Variants in LGSN observed in about 807,000 individuals in gnomAD.
LGSN encodes lengsin.
In LGSN, 21 loss-of-function variants were observed where a neutral mutation model predicts 19.5. The ratio of observed to expected loss-of-function variants is 1.07; its 90% CI spans 0.76 to 1.55. LGSN has a LOEUF of 1.55. LGSN is among the 40% of genes most tolerant of loss of function. The pLI is 0.00. For missense variants in LGSN, 673 were observed against 608.5 expected (o/e 1.11, Z -1.12); for synonymous variants, 257 against 215.6 (o/e 1.19, Z -1.68).
the LGSN span, among the ~76,000 whole-genome samples, chr6:63,564,733 C>G: frequency 6.6e-6 from 1 of 152,212 alleles, no homozygotes; most frequent in African/African-American, 2.4e-5. Context: ...CATAATTCAA[C>G]ATGTTCTAAA....
chr6:63,558,424 G>A, the LGSN span, among the ~76,000 whole-genome samples: 1 of 152,182 alleles, frequency 6.6e-6, no homozygotes, highest in African/African-American at 2.4e-5. Context: ...GTGGTAGCCA[G>A]TCAGACAGAA....
rs1767185890 is a variant in LGSN, at chr6:63,279,026, A to T, written c.*995T>A. The T allele has an allele frequency of 6.6e-6, 1 of 152,236 alleles. No individual in the cohort carries two copies. Among genetic ancestry groups the T allele is most frequent in the Admixed American group, 6.5e-5 (1 of 15,290 alleles). 9.4% of individuals were successfully genotyped at this position (152,236 alleles called of 1,614,324 possible). A position where few individuals can be genotyped will look rare whatever the true frequency, so the allele number is the denominator to read the frequency against. On this transcript the variant is annotated 3_prime_UTR_variant, in exon 4 of 4. Coordinates refer to ENST00000370657, the MANE Select transcript of LGSN (RefSeq NM_016571.3). ...GCAGCTAAACTTTTGTGATAGTTAC[A>T]ATATTATCTCATTCAAACAAAGGCC...
At chr6:63,356,625 G>A in the LGSN span, among the ~76,000 whole-genome samples, 2 of 152,176 alleles carry the variant, frequency 1.3e-5, no homozygotes, top group East Asian at 3.9e-4. Flanking sequence ...GCATGTTTAG[G>A]TAAGGTAGTC....
the LGSN span, among the ~76,000 whole-genome samples, chr6:63,383,734 A>T: frequency 2.6e-5 from 4 of 152,124 alleles, no homozygotes; most frequent in African/African-American, 9.7e-5. Context: ...TATTTTAATA[A>T]CTTTTTCACT....
the LGSN span, among the ~76,000 whole-genome samples, chr6:63,465,699 A>T: frequency 6.6e-6 from 1 of 152,028 alleles, no homozygotes; most frequent in Non-Finnish European, 1.5e-5. Flanking sequence ...ATACTAGCAT[A>T]TTTTTTTTCA....
the LGSN span, among the ~76,000 whole-genome samples, chr6:63,480,966 T>G: frequency 7.3e-4 from 23 of 31,564 alleles, no homozygotes; most frequent in African/African-American, 1.0e-3. Flanking sequence ...TATATATATA[T>G]ATATATATAT....
At chr6:63,425,862 A>G in the LGSN span, among the ~76,000 whole-genome samples, 1 of 152,066 alleles carries the variant, frequency 6.6e-6, no homozygotes, top group South Asian at 2.1e-4. Context: ...ATTAATTCCA[A>G]TATCTCAGTT....
At chr6:63,322,165 T>C (rs551067216), upstream of LGSN, among the ~76,000 whole-genome samples, 1 of 152,320 alleles carries the variant, frequency 6.6e-6, no homozygotes, top group East Asian at 1.9e-4. Flanking sequence ...GGATGCAAAT[T>C]AGGTAAAGGA....
At chr6:63,549,096 G>T in the LGSN span, 1 of 706,616 alleles carries the variant, frequency 1.4e-6, no homozygotes, top group Non-Finnish European at 2.6e-6. Flanking sequence ...GTTAACTCCT[G>T]CTCGAAGGAC....
chr6:63,276,498 C>T lies in LGSN; in HGVS notation c.*3523G>A, dbSNP rs1366355702. 2 of 152,080 alleles carry T rather than the reference C, an allele frequency of 1.3e-5. No individual in the cohort carries two copies. The highest frequency in any genetic ancestry group is 2.4e-5 in the African/African-American group (1 of 41,412). The allele number at this position is 152,080 out of a possible 1,614,324, so 9.4% of individuals were successfully genotyped here. A position where few individuals can be genotyped will look rare whatever the true frequency, so the allele number is the denominator to read the frequency against. On this transcript the variant is annotated 3_prime_UTR_variant, in exon 4 of 4. Transcript: ENST00000370657. ...CTTTAAATTCAGTAATCACATTTTT[C>T]CCCTAAGCTTTGATTAGAACAATTA...
chr6:63,478,523 A>G, the LGSN span, among the ~76,000 whole-genome samples: 70,485 of 151,962 alleles, frequency 0.46, 18,184 homozygotes, highest in Non-Finnish European at 0.56. Context: ...TCCACCCTAA[A>G]TAAGTTGAGT....
chr6:63,561,616 A>G, the LGSN span, among the ~76,000 whole-genome samples: 1 of 152,172 alleles, frequency 6.6e-6, no homozygotes. Flanking sequence ...ATCACAACCC[A>G]GGTGACTTAG....
At chr6:63,320,239 C>T (rs1769038616), upstream of LGSN, among the ~76,000 whole-genome samples, 1 of 152,070 alleles carries the variant, frequency 6.6e-6, no homozygotes. Context: ...TTTTTTTCTC[C>T]AACATACAGA....
chr6:63,355,560 G>A, the LGSN span, among the ~76,000 whole-genome samples: 1 of 151,860 alleles, frequency 6.6e-6, no homozygotes, highest in East Asian at 1.9e-4. Context: ...AGTGTCCACA[G>A]AGCCATGCTG....
At chr6:63,546,460 C>A in the LGSN span, among the ~76,000 whole-genome samples, 1 of 152,192 alleles carries the variant, frequency 6.6e-6, no homozygotes, top group South Asian at 2.1e-4. Flanking sequence ...AATCCCAGCA[C>A]TTTGGGTAGC....
At chr6:63,493,775 A>C in the LGSN span, among the ~76,000 whole-genome samples, 2 of 152,138 alleles carry the variant, frequency 1.3e-5, no homozygotes, top group African/African-American at 4.8e-5. Flanking sequence ...TTCAGGTATC[A>C]GTTCTTTGAT....
At chr6:63,390,622 C>T in the LGSN span, among the ~76,000 whole-genome samples, 115 of 150,934 alleles carry the variant, frequency 7.6e-4, 2 homozygotes, top group East Asian at 0.016. Context: ...TTTGGGAGGC[C>T]GAGGCGGGCG....
the LGSN span, chr6:63,481,732 T>C: frequency 4.8e-6 from 1 of 210,256 alleles, no homozygotes; most frequent in Non-Finnish European, 9.7e-6. Context: ...CTGGGGCTCC[T>C]CTCAACTAGT....
At chr6:63,336,928 T>C in the LGSN span, among the ~76,000 whole-genome samples, 1 of 147,668 alleles carries the variant, frequency 6.8e-6, no homozygotes, top group African/African-American at 2.5e-5. Flanking sequence ...CTTTCTTTTC[T>C]TTTCTTTTTT....
Sources: allele counts gnomAD v4.1 joint callset (sites outside exome capture counted in the v4.1 genomes callset), GRCh38; gene constraint gnomAD v4.1.1; transcripts MANE v1.5; gene names NCBI Gene and HGNC (gene_info 2026-07-23, HGNC 2026-07-21).